The following GNL3L variants were observed in gnomAD, a reference collection of about 807,000 sequenced individuals.
GNL3L encodes G protein nucleolar 3 like.
In GNL3L, 4 loss-of-function variants were observed where a neutral mutation model predicts 42.9. That is an observed-to-expected ratio of 0.09 (90% CI 0.05 to 0.21). The LOEUF is 0.21. GNL3L is among the 10% of genes least tolerant of loss of function. The pLI is 1.00. For missense variants in GNL3L, 412 were observed against 481.7 expected (o/e 0.86, Z 1.36); for synonymous variants, 159 against 176.3 (o/e 0.90, Z 0.78).
intron 16 of GNL3L, among the ~76,000 whole-genome samples, chrX:54,617,997 C>A (rs1463336854): frequency 9.0e-6 from 1 of 111,211 alleles, no homozygotes; most frequent in African/African-American, 3.3e-5. Flanking sequence ...TTTATATATT[C>A]TTTTCCTTCC....
chrX:54,605,294 A>G (rs1171748567), intron 16 of GNL3L, among the ~76,000 whole-genome samples: 2 of 111,515 alleles, frequency 1.8e-5, no homozygotes, highest in African/African-American at 3.3e-5. Flanking sequence ...TCATGTTTGA[A>G]CTCTTCTAAA....
intron 16 of GNL3L, among the ~76,000 whole-genome samples, chrX:54,599,125 T>G (rs189248969): frequency 8.9e-6 from 1 of 111,861 alleles, no homozygotes; most frequent in African/African-American, 3.2e-5. Context: ...ATAATAAAAA[T>G]CGTTTCTATA....
In GNL3L at chrX:54,551,929, A is replaced by G. The variant is rs777063179; in HGVS notation, c.1136A>G (p.Tyr379Cys). Residue 379 changes from tyrosine to cysteine, a missense_variant, in exon 12 of 16, where the codon TAT (tyrosine) becomes TGT (cysteine). Transcript: ENST00000360845. ...RLGKKKKGGL[Y>C]SQEQAAKAVL... ...GGGAAGAAGAAGAAGGGAGGCTTAT[A>G]TAGTCAGGAACAGGCGGCCAAAGCT... 1 of 1,211,814 alleles carries G rather than the reference A, an allele frequency of 8.3e-7. No homozygotes were observed. The highest frequency in any genetic ancestry group is 1.1e-6 in the Non-Finnish European group (1 of 895,298).
At chrX:54,534,368 G>A in intron 2 of GNL3L, among the ~76,000 whole-genome samples, 1 of 110,871 alleles carries the variant, frequency 9.0e-6, no homozygotes, top group Non-Finnish European at 1.9e-5. Flanking sequence ...GCAGGAGCTT[G>A]GACAATTGAT....
chrX:54,587,585 T>G (rs181481604), intron 16 of GNL3L, among the ~76,000 whole-genome samples: 2 of 112,012 alleles, frequency 1.8e-5, no homozygotes, highest in African/African-American at 6.5e-5. Flanking sequence ...CATTCTTCAG[T>G]GTTTTATAGT....
chrX:54,579,982 G>GTTTTTTT (rs1158646056), intron 16 of GNL3L, among the ~76,000 whole-genome samples: 4 of 54,821 alleles, frequency 7.3e-5, no homozygotes, highest in African/African-American at 6.7e-4. Flanking sequence ...CTGGCCTAAA[G>GTTTTTTT]TTTGTTTTTT....
intron 16 of GNL3L, among the ~76,000 whole-genome samples, chrX:54,595,315 G>A (rs1248078429): frequency 4.5e-5 from 5 of 111,054 alleles, no homozygotes; most frequent in Non-Finnish European, 9.5e-5. Flanking sequence ...TAGGGTAAAA[G>A]TGTTTTTTGT....
At chrX:54,544,470 CTTTT>C (rs869256708) in intron 8 of GNL3L, 144 bp downstream of exon 8, 41 of 340,500 alleles carry the variant, frequency 1.2e-4, no homozygotes, top group Middle Eastern at 8.0e-4. Context: ...CACCGAGTGA[CTTTT>C]TTTTTTTTTT....
chrX:54,589,052 A>G (rs945619224), intron 16 of GNL3L, among the ~76,000 whole-genome samples: 3 of 110,931 alleles, frequency 2.7e-5, no homozygotes, highest in African/African-American at 9.8e-5. Context: ...GTACATAGGT[A>G]TATATGTTTA....
the GNL3L span, among the ~76,000 whole-genome samples, chrX:54,635,992 C>T: frequency 1.8e-5 from 2 of 111,704 alleles, no homozygotes; most frequent in African/African-American, 6.5e-5. Flanking sequence ...CTCAAATAAA[C>T]TCTCCCCAGC....
At chrX:54,583,498 A>AT (rs1212158541) in intron 16 of GNL3L, among the ~76,000 whole-genome samples, 2 of 107,434 alleles carry the variant, frequency 1.9e-5, no homozygotes, top group South Asian at 4.0e-4. Context: ...CCGGCCATTG[A>AT]TTTTTTTTCT....
chrX:54,561,492 A>C lies in GNL3L; in HGVS notation c.*890A>C, dbSNP rs1262769182. Among the ~76,000 whole-genome samples, 1 of 112,313 alleles carries C rather than the reference A, an allele frequency of 8.9e-6. No individual in the cohort carries two copies. Among genetic ancestry groups the C allele is most frequent in the Admixed American group, 9.4e-5 (1 of 10,589 alleles). ...GGTAGAGGGAAGAAGAGAACAAACA[A>C]GCCTGGCTTGTGCTGAAGTGTGGTA... On this transcript the variant is annotated 3_prime_UTR_variant, in exon 16 of 16. Coordinates refer to ENST00000360845, the MANE Select transcript of GNL3L (RefSeq NM_001184819.2).
chrX:54,597,509 G>A (rs980292764), intron 16 of GNL3L, among the ~76,000 whole-genome samples: 1 of 111,147 alleles, frequency 9.0e-6, no homozygotes, highest in African/African-American at 3.3e-5. Context: ...CCTGGGGTGA[G>A]GGGAGGGGTG....
At chrX:54,581,293 G>A (rs144329707) in intron 16 of GNL3L, among the ~76,000 whole-genome samples, 2 of 111,241 alleles carry the variant, frequency 1.8e-5, no homozygotes, top group African/African-American at 3.3e-5. Context: ...GTGCTGAGGC[G>A]CTCTCTTGGC....
intron 16 of GNL3L, among the ~76,000 whole-genome samples, chrX:54,575,841 C>T (rs1410078366): frequency 4.5e-5 from 5 of 111,993 alleles, no homozygotes; most frequent in African/African-American, 1.6e-4. Flanking sequence ...ACCCGGGAGT[C>T]GGAGGTTGCG....
rs1338594891 is a variant in GNL3L, at chrX:54,552,445, TG to T, written c.1318+20del. On this transcript the variant is annotated intron_variant, in intron 13 of 15. Coordinates refer to ENST00000360845, the MANE Select transcript of GNL3L (RefSeq NM_001184819.2). ...CCATGGAATGTAAGTGTGGGCAGGG[TG>T]GGTGCACTTGGTCTTGCACTAGTGG... 8.3e-7 allele frequency: 1 copy of T among 1,199,729 alleles called. No individual in the cohort carries two copies. Among genetic ancestry groups the T allele is most frequent in the African/African-American group, 1.8e-5 (1 of 56,954 alleles).
At chrX:54,532,456 G>C in intron 1 of GNL3L, 64 bp from the exon 2 acceptor site, 2 of 623,970 alleles carry the variant, frequency 3.2e-6, no homozygotes, top group Non-Finnish European at 2.7e-6. Context: ...GGGGACTTAG[G>C]AGGGGGCTTG....
intron 16 of GNL3L, among the ~76,000 whole-genome samples, chrX:54,594,385 C>T (rs56201041): frequency 0.14 from 15,146 of 110,401 alleles, 1,610 homozygotes; most frequent in African/African-American, 0.36. Context: ...TTATAGTTTT[C>T]TGTCTTGAAA....
chrX:54,543,166 A>G lies in GNL3L; in HGVS notation c.391-41A>G, dbSNP rs767495611. ...CACAGGCCTGCATCACTGCTACCCT[A>G]TCCTTTTCCTGCCCTCATCTCCTGG... is the stretch of plus-strand genomic sequence containing the variant. On this transcript the variant is annotated intron_variant, in intron 6 of 15. Coordinates refer to ENST00000360845, the MANE Select transcript of GNL3L (RefSeq NM_001184819.2). 14 of 1,197,162 alleles carry G rather than the reference A, an allele frequency of 1.2e-5. No individual in the cohort carries two copies. In the South Asian group the frequency reaches 2.0e-4, roughly 17 times the overall value.
Sources: allele counts gnomAD v4.1 joint callset (sites outside exome capture counted in the v4.1 genomes callset), GRCh38; gene constraint gnomAD v4.1.1; transcripts MANE v1.5; gene names NCBI Gene and HGNC (gene_info 2026-07-23, HGNC 2026-07-21).